The following TAB2 variants were observed in gnomAD, a reference collection of about 807,000 sequenced individuals.
The protein encoded by TAB2 is TGF-beta-activated kinase 1 and MAP3K7-binding protein 2.
A neutral mutation model predicts 65.0 loss-of-function variants in TAB2; 3 were observed. The ratio of observed to expected loss-of-function variants is 0.05; its 90% confidence interval spans 0.02 to 0.12. TAB2 has a LOEUF of 0.12. Ranked by LOEUF, TAB2 falls within the 10% of genes least tolerant of loss-of-function variation. TAB2 has a pLI of 1.00. For missense variants in TAB2, 623 were observed against 840.3 expected (o/e 0.74, Z 3.20); for synonymous variants, 298 against 285.1 (o/e 1.05, Z -0.46).
chr6:149,343,137 C>T (rs140599121), intron 1 of TAB2, among the ~76,000 whole-genome samples: 1 of 152,178 alleles, frequency 6.6e-6, no homozygotes, highest in Non-Finnish European at 1.5e-5. Flanking sequence ...CAAACATCAA[C>T]AACAACAAAA....
At chr6:149,253,964 AAG>A (rs1426741894) in intron 1 of TAB2, among the ~76,000 whole-genome samples, 2,402 of 82,662 alleles carry the variant, frequency 0.029, 23 homozygotes, top group East Asian at 0.053. Context: ...AAGAAAAAGA[AAG>A]AAAGAAAGAA....
rs376237850 is a variant in TAB2 at position 149,382,604 on chromosome 6, A to C, written c.1603+3086A>C. On this transcript the variant is annotated intron_variant, in intron 3 of 6. Transcript: ENST00000637181. ...GCAAGACTTTGTCTAAAGGAAAAAA[A>C]AAAAAATTCTAACTAGGAAGTTAGA... 1.8e-4 allele frequency among the ~76,000 whole-genome samples: 27 copies of C among 152,250 alleles called. No individual in the cohort carries two copies. The South Asian group carries it at 5.6e-3, about 32-fold the overall frequency.
intron 1 of TAB2, among the ~76,000 whole-genome samples, chr6:149,369,559 A>G (rs911957534): frequency 3.3e-5 from 5 of 152,192 alleles, no homozygotes; most frequent in Admixed American, 6.5e-5. Flanking sequence ...AATTTAGATT[A>G]CTCACCTTGG....
At chr6:149,387,684 A>C (rs538405759) in intron 3 of TAB2, among the ~76,000 whole-genome samples, 6 of 152,180 alleles carry the variant, frequency 3.9e-5, no homozygotes, top group Non-Finnish European at 8.8e-5. Flanking sequence ...ATTTTCCTAC[A>C]TACTTGCTTT....
At chr6:149,355,176 C>G (rs561672468) in intron 1 of TAB2, among the ~76,000 whole-genome samples, 2 of 152,026 alleles carry the variant, frequency 1.3e-5, no homozygotes. Flanking sequence ...AAAATTTTCC[C>G]CAGTGAAAAT....
chr6:149,363,804 T>C (rs1308936589), intron 1 of TAB2, among the ~76,000 whole-genome samples: 2 of 152,202 alleles, frequency 1.3e-5, no homozygotes, highest in Non-Finnish European at 2.9e-5. Context: ...TAGACCCATA[T>C]ATCACAACTC....
intron 1 of TAB2, among the ~76,000 whole-genome samples, chr6:149,235,373 G>A (rs1777477013): frequency 6.6e-6 from 1 of 152,248 alleles, no homozygotes; most frequent in Non-Finnish European, 1.5e-5. Context: ...TTGAGGAAGA[G>A]CAATCTTGGG....
At chr6:149,318,543 T>A (rs1779334197) in intron 1 of TAB2, 1 of 152,238 alleles carries the variant, frequency 6.6e-6, no homozygotes, top group African/African-American at 2.4e-5. Context: ...TTGCGGATCT[T>A]GGTTTTCTGC....
intron 1 of TAB2, among the ~76,000 whole-genome samples, chr6:149,279,836 T>C (rs1394000695): frequency 6.6e-6 from 1 of 152,180 alleles, no homozygotes. Context: ...AAACTGAACT[T>C]GTTTTTCTTA....
intron 3 of TAB2, among the ~76,000 whole-genome samples, chr6:149,386,265 T>G (rs768679357): frequency 9.2e-5 from 14 of 152,250 alleles, no homozygotes; most frequent in Non-Finnish European, 1.9e-4. Context: ...TTTAAAATTT[T>G]TTAATGTTTA....
Position 149,378,515 on chromosome 6 carries a change from A to G in TAB2, c.600A>G (p.Val200=), listed in dbSNP as rs775948663. 1 of 1,614,112 alleles carries G rather than the reference A, an allele frequency of 6.2e-7. No homozygotes were observed. Among genetic ancestry groups the G allele is most frequent in the South Asian group, 1.1e-5 (1 of 91,086 alleles). ...NTPTSLHIHG[V]PPPVLNSPQG... ...CTACATCTTTGCACATACATGGTGT[A>G]CCTCCACCTGTACTTAACAGTCCAC... Residue 200 remains valine (V), a synonymous_variant, in exon 3 of 7, where the codon GTA becomes GTG. Transcript: ENST00000637181.
intron 1 of TAB2, among the ~76,000 whole-genome samples, chr6:149,368,389 G>A (rs572616403): frequency 1.3e-5 from 2 of 152,002 alleles, no homozygotes; most frequent in African/African-American, 4.8e-5. Flanking sequence ...GAGTGGGGTA[G>A]GTTAAAAGAG....
chr6:149,292,217 C>A (rs1403952231), intron 1 of TAB2, among the ~76,000 whole-genome samples: 1 of 152,126 alleles, frequency 6.6e-6, no homozygotes, highest in East Asian at 1.9e-4. Flanking sequence ...AGGCATAATG[C>A]CTCTGATTAG....
chr6:149,329,066 G>A (rs868433089), intron 1 of TAB2, among the ~76,000 whole-genome samples: 25 of 152,302 alleles, frequency 1.6e-4, no homozygotes, highest in Middle Eastern at 6.8e-3. Flanking sequence ...TTAGCTGGAA[G>A]TGAGGTGGAA....
At chr6:149,344,907 T>C (rs1176546079) in intron 1 of TAB2, among the ~76,000 whole-genome samples, 1 of 152,164 alleles carries the variant, frequency 6.6e-6, no homozygotes, top group Non-Finnish European at 1.5e-5. Context: ...ACTTGGCTCA[T>C]AGTAAGTGTA....
chr6:149,400,634 A>G, intron 6 of TAB2: 1 of 1,614,250 alleles, frequency 6.2e-7, no homozygotes, highest in African/African-American at 1.3e-5. Context: ...TGGAAGATGA[A>G]GATACAATTG....
chr6:149,388,714 G>A (rs1472494463), intron 3 of TAB2, among the ~76,000 whole-genome samples: 7 of 152,062 alleles, frequency 4.6e-5, no homozygotes, highest in African/African-American at 1.7e-4. Context: ...ATCTTTTCAT[G>A]TGTTCTTTTT....
At chr6:149,327,711 C>A (rs1253752354) in intron 1 of TAB2, among the ~76,000 whole-genome samples, 1 of 152,088 alleles carries the variant, frequency 6.6e-6, no homozygotes, top group South Asian at 2.1e-4. Context: ...TTAGCATGTA[C>A]CTGAATTGTA....
chr6:149,275,139 T>TTTTTTTTA (rs56122402), intron 1 of TAB2, among the ~76,000 whole-genome samples: 2 of 113,480 alleles, frequency 1.8e-5, no homozygotes, highest in African/African-American at 7.2e-5. Flanking sequence ...TTTTTTTTTT[T>TTTTTTTTA]TTTTGAGTTG....
Sources: gnomAD v4.1 joint callset for allele counts (sites outside exome capture counted in the v4.1 genomes callset) on GRCh38, gnomAD v4.1.1 for gene constraint, MANE v1.5 for transcripts, NCBI Gene and HGNC (gene_info 2026-07-23, HGNC 2026-07-21) for gene names.